AP3B1: variants seen among roughly 807,000 people sequenced by gnomAD.
AP3B1 encodes the protein AP-3 complex subunit beta-1.
Under a neutral mutation model 132.5 loss-of-function variants are expected in AP3B1, and 61 were observed. That is an observed-to-expected ratio of 0.46 (90% confidence interval 0.37 to 0.57). AP3B1 has a LOEUF of 0.57. Ranked by LOEUF, AP3B1 falls within the 20% of genes least tolerant of loss-of-function variation. AP3B1 has a pLI of 0.00. For missense variants in AP3B1, 1,120 were observed against 1,289.4 expected (o/e 0.87, Z 2.01); for synonymous variants, 388 against 438.3 (o/e 0.89, Z 1.43).
chr5:78,116,952 C>T (rs930562211), intron 17 of AP3B1, among the ~76,000 whole-genome samples: 3 of 152,094 alleles, frequency 2.0e-5, no homozygotes, highest in Non-Finnish European at 4.4e-5. Flanking sequence ...GAGAAAAAGC[C>T]GAAGTCCCTA....
At chr5:78,031,496 C>T (rs927096435) in intron 24 of AP3B1, among the ~76,000 whole-genome samples, 4 of 152,218 alleles carry the variant, frequency 2.6e-5, no homozygotes, top group Non-Finnish European at 5.9e-5. Context: ...CCCACATCCA[C>T]ACCAAAACGT....
At chr5:78,220,416 C>T (rs1746129644) in intron 6 of AP3B1, among the ~76,000 whole-genome samples, 1 of 151,362 alleles carries the variant, frequency 6.6e-6, no homozygotes, top group Non-Finnish European at 1.5e-5. Flanking sequence ...AATATAAACC[C>T]TAAATTCCAG....
chr5:78,002,752 T>G lies in AP3B1; in HGVS notation c.*150A>C. The G allele has an allele frequency of 1.1e-6, 1 of 903,802 alleles. No homozygotes were observed. The allele number at this position is 903,802 out of a possible 1,614,324, so 56.0% of individuals were successfully genotyped here. A position where few individuals can be genotyped will look rare whatever the true frequency, so the allele number is the denominator to read the frequency against. ...TATTGCATACATGATAGATACACAC[T>G]AGCATTCTAAAGCAGGAGACAAGAA... is the stretch of plus-strand genomic sequence containing the variant. On this transcript the variant is annotated 3_prime_UTR_variant, in exon 27 of 27. Coordinates refer to ENST00000255194, the MANE Select transcript of AP3B1 (RefSeq NM_003664.5).
At chr5:78,261,910 C>T (rs56330337) in intron 2 of AP3B1, among the ~76,000 whole-genome samples, 35,115 of 151,910 alleles carry the variant, frequency 0.23, 4,169 homozygotes, top group Admixed American at 0.29. Flanking sequence ...CACCACCACA[C>T]CTGGCTAATT....
chr5:78,063,857 C>A (rs981886991), intron 22 of AP3B1, among the ~76,000 whole-genome samples: 17 of 151,868 alleles, frequency 1.1e-4, no homozygotes, highest in African/African-American at 4.1e-4. Context: ...AAATATAGTA[C>A]TGAGCTTAAT....
At chr5:78,052,202 G>C (rs1247028303) in intron 22 of AP3B1, among the ~76,000 whole-genome samples, 1 of 151,632 alleles carries the variant, frequency 6.6e-6, no homozygotes, top group African/African-American at 2.4e-5. Flanking sequence ...TTTTATTTTA[G>C]TAATCACTAT....
At chr5:78,193,758 A>C (rs1236477933) in intron 7 of AP3B1, among the ~76,000 whole-genome samples, 123 of 114,720 alleles carry the variant, frequency 1.1e-3, no homozygotes, top group African/African-American at 3.2e-3. Context: ...ATATATATAT[A>C]TATATATATA....
At chr5:78,128,296 T>C (rs1752549913) in intron 16 of AP3B1, 136 bp from the exon 17 acceptor site, 1 of 789,910 alleles carries the variant, frequency 1.3e-6, no homozygotes, top group Non-Finnish European at 2.0e-6. Flanking sequence ...AAGCTCTTCA[T>C]AGGTCAAAAA....
Position 78,225,524 on chromosome 5 carries a change from T to C in AP3B1, c.603+18A>G, listed in dbSNP as rs1479390191. ...AAAGTACATTTTTATGTCAAAGACG[T>C]AAAAAGACATTACTTACTGTGCTTT... is the stretch of plus-strand genomic sequence containing the variant. On this transcript the variant is annotated intron_variant, in intron 6 of 26. Coordinates refer to ENST00000255194, the MANE Select transcript of AP3B1 (RefSeq NM_003664.5). 1 of 1,401,170 alleles carries C rather than the reference T, an allele frequency of 7.1e-7. No homozygotes were observed. The highest frequency in any genetic ancestry group is 1.2e-5 in the South Asian group (1 of 84,378). 86.8% of individuals were successfully genotyped at this position (1,401,170 alleles called of 1,614,324 possible). A position where few individuals can be genotyped will look rare whatever the true frequency, so the allele number is the denominator to read the frequency against.
At chr5:78,217,849 A>G (rs1388408299) in intron 6 of AP3B1, among the ~76,000 whole-genome samples, 2 of 152,136 alleles carry the variant, frequency 1.3e-5, no homozygotes, top group East Asian at 3.8e-4. Context: ...GGTAATTCAC[A>G]GTTTCAATTT....
intron 6 of AP3B1, among the ~76,000 whole-genome samples, chr5:78,222,985 A>C (rs886873361): frequency 3.3e-5 from 5 of 150,824 alleles, no homozygotes; most frequent in African/African-American, 1.2e-4. Context: ...GATTGTGGAA[A>C]TAGGAGCCCT....
At chr5:78,015,064 T>C (rs1323513357) in intron 26 of AP3B1, among the ~76,000 whole-genome samples, 2 of 152,206 alleles carry the variant, frequency 1.3e-5, no homozygotes, top group Admixed American at 1.3e-4. Context: ...TACTGCTTTA[T>C]AGAATAGTTC....
chr5:78,022,537 T>G (rs1210141675), intron 24 of AP3B1, among the ~76,000 whole-genome samples: 1 of 152,206 alleles, frequency 6.6e-6, no homozygotes, highest in Non-Finnish European at 1.5e-5. Flanking sequence ...TGTTGTGGAA[T>G]CCTGTCCAGC....
intron 12 of AP3B1, among the ~76,000 whole-genome samples, chr5:78,165,100 A>G (rs1415455025): frequency 6.6e-6 from 1 of 152,174 alleles, no homozygotes; most frequent in African/African-American, 2.4e-5. Context: ...GCAGCTAGGA[A>G]GAGTCTCATA....
chr5:78,275,999 A>G (rs13190221), intron 1 of AP3B1, among the ~76,000 whole-genome samples: 34,254 of 152,132 alleles, frequency 0.23, 4,514 homozygotes, highest in Middle Eastern at 0.31. Context: ...TAAGAATCAG[A>G]GTATGTGGAA....
chr5:78,238,291 C>A (rs1364238636), intron 3 of AP3B1, among the ~76,000 whole-genome samples: 5 of 152,164 alleles, frequency 3.3e-5, no homozygotes, highest in Non-Finnish European at 4.4e-5. Flanking sequence ...CCAGATGGGA[C>A]CATCTAGTTG....
intron 6 of AP3B1, among the ~76,000 whole-genome samples, chr5:78,224,550 A>G (rs542773360): frequency 8.5e-5 from 13 of 152,236 alleles, no homozygotes; most frequent in African/African-American, 3.1e-4. Flanking sequence ...ATTCCAATTA[A>G]AGGCACACAT....
chr5:78,197,729 A>T (rs1354585060), intron 7 of AP3B1, among the ~76,000 whole-genome samples: 1 of 152,212 alleles, frequency 6.6e-6, no homozygotes, highest in African/African-American at 2.4e-5. Flanking sequence ...AAAAAATGAA[A>T]TTAATGACAG....
chr5:78,232,809 T>C (rs1391386793), intron 3 of AP3B1, among the ~76,000 whole-genome samples: 4 of 151,882 alleles, frequency 2.6e-5, no homozygotes, highest in Middle Eastern at 3.4e-3. Flanking sequence ...TGGGTTCAAA[T>C]GATTTTCCTG....
Sources: allele counts gnomAD v4.1 joint callset (sites outside exome capture counted in the v4.1 genomes callset), GRCh38; gene constraint gnomAD v4.1.1; transcripts MANE v1.5; gene names NCBI Gene and HGNC (gene_info 2026-07-23, HGNC 2026-07-21).